The following RGS6 variants were observed in gnomAD, a reference collection of about 807,000 sequenced individuals.
RGS6 encodes the protein regulator of G-protein signaling 6.
RGS6 carries 30 observed loss-of-function variants against 78.5 expected under a neutral mutation model. That is an observed-to-expected ratio of 0.38 (90% CI 0.29 to 0.52). RGS6 has a LOEUF of 0.52. Among genes scored for constraint, RGS6 ranks in the 20% least tolerant of loss-of-function variants. The pLI is 0.85. For missense variants in RGS6, 495 were observed against 609.7 expected, an observed-to-expected ratio of 0.81 and a Z score of 1.98; for synonymous variants, 206 against 206.0, an observed-to-expected ratio of 1.00 and a Z score of 0.00.
chr14:72,015,795 T>G (rs2086824653), intron 2 of RGS6, among the ~76,000 whole-genome samples: 2 of 152,256 alleles, frequency 1.3e-5, no homozygotes, highest in South Asian at 4.1e-4. Context: ...TGTTTTATAT[T>G]GCATTTCTCT....
chr14:72,170,522 G>C (rs546478091), intron 2 of RGS6, among the ~76,000 whole-genome samples: 2 of 152,292 alleles, frequency 1.3e-5, no homozygotes, highest in South Asian at 4.1e-4. Context: ...ATTCCTATGA[G>C]AGCCCAATTA....
chr14:72,314,805 A>C (rs1244306678), intron 2 of RGS6, among the ~76,000 whole-genome samples: 1 of 152,246 alleles, frequency 6.6e-6, no homozygotes, highest in Non-Finnish European at 1.5e-5. Flanking sequence ...GCCTTCCCTT[A>C]AGGTTCCTGA....
chr14:72,396,081 A>T (rs1159771504), intron 3 of RGS6, among the ~76,000 whole-genome samples: 1 of 152,140 alleles, frequency 6.6e-6, no homozygotes, highest in African/African-American at 2.4e-5. Flanking sequence ...TGATATTTCC[A>T]GTTCTAGATC....
At chr14:72,602,677 C>T in the RGS6 span, among the ~76,000 whole-genome samples, 8 of 152,238 alleles carry the variant, frequency 5.3e-5, no homozygotes, top group African/African-American at 1.9e-4. Context: ...TCTTTCCTGA[C>T]TTCCATTATG....
the RGS6 span, among the ~76,000 whole-genome samples, chr14:72,583,705 C>G: frequency 6.6e-6 from 1 of 152,308 alleles, no homozygotes; most frequent in African/African-American, 2.4e-5. Flanking sequence ...TCTTGATGCC[C>G]CAGGCCTCAC....
At chr14:71,924,699 A>T in the RGS6 span, among the ~76,000 whole-genome samples, 1 of 152,178 alleles carries the variant, frequency 6.6e-6, no homozygotes, top group Admixed American at 6.5e-5. Context: ...TTTCAGTTTC[A>T]TTCATGTAGT....
the RGS6 span, among the ~76,000 whole-genome samples, chr14:72,612,152 A>G: frequency 6.6e-6 from 1 of 152,188 alleles, no homozygotes. Context: ...CCCAGGGTGG[A>G]CAACCATGGC....
At position 72,338,743 on chromosome 14, in the gene RGS6, C is replaced by G. The variant is rs145285825; in HGVS notation, c.85-13352C>G. On this transcript the variant is annotated intron_variant, in intron 2 of 17. Coordinates refer to ENST00000553525, the MANE Select transcript of RGS6 (RefSeq NM_001204424.2). Reference sequence around the variant, plus strand: ...TGCTTGGAAAGCATAGGTCTCCAATCCCAGCTGCTGTCCTCTGGGAGCTGC... The same window carrying G: ...TGCTTGGAAAGCATAGGTCTCCAATGCCAGCTGCTGTCCTCTGGGAGCTGC... 4.3e-3 allele frequency among the ~76,000 whole-genome samples: 655 copies of G among 152,320 alleles called. 5 individuals carry two copies. Among genetic ancestry groups the G allele is most frequent in the African/African-American group, 0.015 (617 of 41,566 alleles).
chr14:72,348,392 T>G (rs1480801996), intron 2 of RGS6, among the ~76,000 whole-genome samples: 1 of 152,196 alleles, frequency 6.6e-6, no homozygotes, highest in Non-Finnish European at 1.5e-5. Flanking sequence ...ATTAAATAAT[T>G]TATTTAAAAT....
At chr14:72,459,796 T>G (rs1395485711) in intron 6 of RGS6, 113 bp downstream of exon 6, 4 of 1,035,812 alleles carry the variant, frequency 3.9e-6, no homozygotes, top group Non-Finnish European at 6.1e-6. Context: ...AGGAGGGTCC[T>G]TTCTGCTTAG....
At chr14:71,939,220 G>A (rs188825666) in intron 1 of RGS6, among the ~76,000 whole-genome samples, 45 of 152,298 alleles carry the variant, frequency 3.0e-4, no homozygotes, top group Middle Eastern at 3.4e-3. Flanking sequence ...GGGGCCAAAT[G>A]CAGCAACTTA....
At chr14:72,431,469 C>T (rs1342081610) in intron 3 of RGS6, among the ~76,000 whole-genome samples, 2 of 152,192 alleles carry the variant, frequency 1.3e-5, no homozygotes, top group African/African-American at 2.4e-5. Flanking sequence ...TCTCATGCCT[C>T]AGCCTCCCAA....
chr14:72,312,314 T>G (rs1043749921), intron 2 of RGS6, among the ~76,000 whole-genome samples: 7 of 147,986 alleles, frequency 4.7e-5, no homozygotes, highest in Non-Finnish European at 7.4e-5. Context: ...CATCAAAAAC[T>G]CCAGAAGAAA....
the RGS6 span, among the ~76,000 whole-genome samples, chr14:72,586,427 A>T: frequency 2.6e-5 from 4 of 152,164 alleles, no homozygotes; most frequent in African/African-American, 7.2e-5. Flanking sequence ...CCCTTCCACC[A>T]TGGGTGGAAG....
At chr14:71,982,083 G>T (rs993717670) in intron 2 of RGS6, among the ~76,000 whole-genome samples, 2 of 152,228 alleles carry the variant, frequency 1.3e-5, no homozygotes, top group Non-Finnish European at 2.9e-5. Flanking sequence ...CTTTGACTAG[G>T]AAAGGGAACT....
chr14:72,128,848 G>A (rs923201151), intron 2 of RGS6, among the ~76,000 whole-genome samples: 8 of 152,132 alleles, frequency 5.3e-5, no homozygotes, highest in South Asian at 2.1e-4. Context: ...GCCCTGGTAC[G>A]CACAGAGACA....
chr14:71,911,872 T>C, the RGS6 span, among the ~76,000 whole-genome samples: 1 of 152,182 alleles, frequency 6.6e-6, no homozygotes, highest in Admixed American at 6.5e-5. Context: ...CGGCTAAGCA[T>C]ATATATTCAA....
intron 2 of RGS6, among the ~76,000 whole-genome samples, chr14:72,011,877 C>T (rs1384183423): frequency 6.6e-6 from 1 of 152,026 alleles, no homozygotes; most frequent in East Asian, 1.9e-4. Flanking sequence ...TATTGTTTCT[C>T]AGGGTTTGTG....
intron 2 of RGS6, among the ~76,000 whole-genome samples, chr14:72,282,514 C>T (rs1002461495): frequency 6.6e-6 from 1 of 152,158 alleles, no homozygotes; most frequent in African/African-American, 2.4e-5. Flanking sequence ...AGTGGCAACC[C>T]GTCCACCCCT....
Sources: gnomAD v4.1 joint callset for allele counts (sites outside exome capture counted in the v4.1 genomes callset) on GRCh38, gnomAD v4.1.1 for gene constraint, MANE v1.5 for transcripts, NCBI Gene and HGNC (gene_info 2026-07-23, HGNC 2026-07-21) for gene names.